ERGIC1: variants seen among roughly 807,000 people sequenced by gnomAD.
ERGIC1 encodes endoplasmic reticulum-golgi intermediate compartment 1, also known as endoplasmic reticulum-Golgi intermediate compartment protein 1.
In ERGIC1, 19 loss-of-function variants were observed where a neutral mutation model predicts 38.3. The ratio of observed to expected loss-of-function variants is 0.50; its 90% CI spans 0.35 to 0.73. The LOEUF (loss-of-function observed/expected upper bound fraction) is 0.73. Ranked by LOEUF, ERGIC1 falls within the 30% of genes least tolerant of loss-of-function variation. The pLI, the probability that ERGIC1 is intolerant of heterozygous loss-of-function variation, is 0.01. For missense variants in ERGIC1, 294 were observed against 389.2 expected, an observed-to-expected ratio of 0.76 and a Z score of 2.06; for synonymous variants, 124 against 157.6, an observed-to-expected ratio of 0.79 and a Z score of 1.60.
intron 1 of ERGIC1, among the ~76,000 whole-genome samples, chr5:172,848,715 A>T (rs1462342135): frequency 7.9e-5 from 12 of 152,172 alleles, no homozygotes; most frequent in Admixed American, 7.9e-4. Context: ...TGAATGAAGG[A>T]AGTAGAGAGA....
chr5:172,877,188 C>T (rs953630918), intron 1 of ERGIC1, among the ~76,000 whole-genome samples: 12 of 151,992 alleles, frequency 7.9e-5, no homozygotes, highest in Non-Finnish European at 1.5e-4. Context: ...TTGTCAATTT[C>T]TACAAAAATA....
Position 172,945,672 on chromosome 5 carries a change from G to A in ERGIC1, c.766-5037G>A, listed in dbSNP as rs191003101. Among the ~76,000 whole-genome samples, 43 of 151,664 alleles carry A rather than the reference G, an allele frequency of 2.8e-4. No individual in the cohort carries two copies. In the East Asian group the frequency reaches 5.0e-3, roughly 18 times the overall value. On this transcript the variant is annotated intron_variant, in intron 9 of 9. Transcript: ENST00000393784. ...TCAGTAGAGCCGCAGGGGTTTTGTCGTTTTATTTTTATTTTTATGTATTTA... is the reference window on the plus strand; with the variant it reads ...TCAGTAGAGCCGCAGGGGTTTTGTCATTTTATTTTTATTTTTATGTATTTA...
intron 1 of ERGIC1, among the ~76,000 whole-genome samples, chr5:172,880,284 G>A (rs921683867): frequency 4.6e-5 from 7 of 151,942 alleles, no homozygotes; most frequent in East Asian, 3.9e-4. Flanking sequence ...TGATCTGCCC[G>A]CTCTGGGGCT....
chr5:172,841,964 A>G (rs896918872), intron 1 of ERGIC1, among the ~76,000 whole-genome samples: 1 of 152,196 alleles, frequency 6.6e-6, no homozygotes, highest in Non-Finnish European at 1.5e-5. Context: ...CTCCATCTCT[A>G]TCACCCCTCA....
At chr5:172,924,966 G>A (rs1409403519) in intron 6 of ERGIC1, among the ~76,000 whole-genome samples, 1 of 152,232 alleles carries the variant, frequency 6.6e-6, no homozygotes, top group African/African-American at 2.4e-5. Context: ...GGCCAGGTGC[G>A]GTGGCTCACT....
intron 5 of ERGIC1, chr5:172,917,342 G>C (rs1763392669): frequency 6.6e-6 from 1 of 152,210 alleles, no homozygotes; most frequent in Admixed American, 6.6e-5. Context: ...AGAGGGTTCT[G>C]GACCACAGAT....
chr5:172,932,425 C>A lies in ERGIC1; in HGVS notation c.542-11C>A. ...GTCCCCCTGCTTCATTCTGCTGTGT[C>A]CTTCCCGCAGCCCTGGCCTCCCACG... On this transcript the variant is annotated splice_polypyrimidine_tract_variant and intron_variant, in intron 7 of 9. Transcript: ENST00000393784. 1 of 1,613,828 alleles carries A rather than the reference C, an allele frequency of 6.2e-7. No homozygotes were observed. The highest frequency in any genetic ancestry group is 1.1e-5 in the South Asian group (1 of 91,028).
intron 1 of ERGIC1, among the ~76,000 whole-genome samples, chr5:172,885,100 T>C (rs917376565): frequency 5.9e-5 from 9 of 152,106 alleles, no homozygotes; most frequent in Non-Finnish European, 1.2e-4. Context: ...TTTGAAACAA[T>C]GGTTCTTATA....
intron 1 of ERGIC1, among the ~76,000 whole-genome samples, chr5:172,868,226 T>A (rs544242296): frequency 4.5e-4 from 69 of 152,186 alleles, no homozygotes; most frequent in Non-Finnish European, 9.4e-4. Context: ...ATTTTACAGA[T>A]GTAAAACACT....
chr5:172,900,253 G>A (rs1030398640), intron 3 of ERGIC1, among the ~76,000 whole-genome samples: 10 of 152,202 alleles, frequency 6.6e-5, no homozygotes, highest in Admixed American at 6.5e-4. Flanking sequence ...GACAACTCAT[G>A]CAGCTTCCCA....
chr5:172,952,520 GAAAA>G lies in ERGIC1; in HGVS notation c.*1714_*1717del, dbSNP rs67143107. The G allele has an allele frequency of 3.5e-5, 4 of 115,750 alleles. No homozygotes were observed. The highest frequency in any genetic ancestry group is 9.5e-5 in the African/African-American group (2 of 20,952). 7.2% of individuals were successfully genotyped at this position (115,750 alleles called of 1,614,324 possible). On this transcript the variant is annotated 3_prime_UTR_variant, in exon 10 of 10. Transcript: ENST00000393784. ...AAATTCTTTTATGCATTTTTTTGAA[GAAAA>G]AAAAAAAAACAACTCTGAGGACATA...
At chr5:172,848,325 T>A (rs1217151382) in intron 1 of ERGIC1, among the ~76,000 whole-genome samples, 1 of 152,170 alleles carries the variant, frequency 6.6e-6, no homozygotes, top group Admixed American at 6.5e-5. Flanking sequence ...GTGGTTATTT[T>A]CCATTGTGAT....
intron 2 of ERGIC1, among the ~76,000 whole-genome samples, chr5:172,896,345 A>T (rs972173932): frequency 6.6e-6 from 1 of 152,202 alleles, no homozygotes; most frequent in African/African-American, 2.4e-5. Context: ...AAGTAAAGAA[A>T]TAATAAGCAT....
At chr5:172,865,336 G>A (rs965023285) in intron 1 of ERGIC1, among the ~76,000 whole-genome samples, 6 of 152,308 alleles carry the variant, frequency 3.9e-5, no homozygotes, top group South Asian at 4.1e-4. Context: ...GATTATAGGC[G>A]TGAGCCACCG....
chr5:172,917,831 GC>G (rs1763410655), intron 5 of ERGIC1: 1 of 152,214 alleles, frequency 6.6e-6, no homozygotes, highest in South Asian at 2.1e-4. Flanking sequence ...TACAGTTGTT[GC>G]AGATAATTTC....
At chr5:172,876,660 C>T (rs1049389529) in intron 1 of ERGIC1, among the ~76,000 whole-genome samples, 12 of 152,158 alleles carry the variant, frequency 7.9e-5, no homozygotes, top group African/African-American at 2.2e-4. Flanking sequence ...CATATGTATA[C>T]GTCCATGAAA....
chr5:172,886,551 C>T (rs560104165), intron 1 of ERGIC1, among the ~76,000 whole-genome samples: 1 of 152,328 alleles, frequency 6.6e-6, no homozygotes, highest in African/African-American at 2.4e-5. Context: ...GCCTAAGGGC[C>T]TAAAAGAGGG....
At position 172,914,533 on chromosome 5, in the gene ERGIC1, G is replaced by A. The variant is rs554426592; in HGVS notation, c.251-181G>A. 7.0e-5 allele frequency: 70 copies of A among 1,001,466 alleles called. 2 individuals carry two copies. Among genetic ancestry groups the A allele is most frequent in the South Asian group, 6.9e-4 (49 of 71,088 alleles). The allele number at this position is 1,001,466 out of a possible 1,614,324, so 62.0% of individuals were successfully genotyped here. On this transcript the variant is annotated intron_variant, in intron 4 of 9. Transcript: ENST00000393784. ...CTATGCACTGCCCCCCTCGCCTCACGTTTAGCGGAGTCATTGTCCTGTCCC... is the reference window on the plus strand; with the variant it reads ...CTATGCACTGCCCCCCTCGCCTCACATTTAGCGGAGTCATTGTCCTGTCCC...
chr5:172,881,688 A>G (rs1454535431), intron 1 of ERGIC1, among the ~76,000 whole-genome samples: 3 of 152,172 alleles, frequency 2.0e-5, no homozygotes, highest in Non-Finnish European at 1.5e-5. Flanking sequence ...CATAAATTAG[A>G]TCTGGATTCA....
Sources: gnomAD v4.1 joint callset for allele counts (sites outside exome capture counted in the v4.1 genomes callset) on GRCh38, gnomAD v4.1.1 for gene constraint, MANE v1.5 for transcripts, NCBI Gene and HGNC (gene_info 2026-07-23, HGNC 2026-07-21) for gene names.